The following APPBP2 variants were observed in gnomAD, a reference collection of about 807,000 sequenced individuals.
APPBP2 encodes the protein amyloid beta precursor protein binding protein 2, also known as amyloid protein-binding protein 2.
In APPBP2, 15 loss-of-function variants were observed where a neutral mutation model predicts 76.0. That is an observed-to-expected ratio of 0.20 (90% CI 0.13 to 0.30). The LOEUF is 0.30. APPBP2 is among the 10% of genes least tolerant of loss of function. The probability of loss-of-function intolerance (pLI) is 1.00; values close to 1 mark genes in which losing one functional copy is unlikely to be tolerated. For missense variants in APPBP2, 401 were observed against 687.2 expected, an observed-to-expected ratio of 0.58 and a Z score of 4.66; for synonymous variants, 222 against 242.2, an observed-to-expected ratio of 0.92 and a Z score of 0.77.
chr17:60,487,151 G>A (rs566705518), intron 3 of APPBP2, among the ~76,000 whole-genome samples: 4 of 152,050 alleles, frequency 2.6e-5, no homozygotes, highest in African/African-American at 7.2e-5. Flanking sequence ...TTTATCTTGG[G>A]GAATCTGACA....
In APPBP2 at chr17:60,491,097, C is replaced by T. The variant is rs563147519; in HGVS notation, c.379+3369G>A. ...ACAGTTTGGAGGGCTCAGAAGAAGA[C>T]AGAAAAATGTAGGAAAAGTTTGGAA... On this transcript the variant is annotated intron_variant, in intron 3 of 12. Coordinates refer to ENST00000083182, the MANE Select transcript of APPBP2 (RefSeq NM_006380.5). 3.6e-4 allele frequency among the ~76,000 whole-genome samples: 55 copies of T among 152,168 alleles called. 1 individual carries two copies. In the South Asian group the frequency reaches 6.9e-3, roughly 19 times the overall value.
chr17:60,470,351 C>T (rs1272629381), intron 4 of APPBP2, among the ~76,000 whole-genome samples: 2 of 152,066 alleles, frequency 1.3e-5, no homozygotes, highest in African/African-American at 4.8e-5. Flanking sequence ...CCATGATCTC[C>T]TGGGCTTAAG....
At chr17:60,481,497 A>T (rs941941510) in intron 3 of APPBP2, among the ~76,000 whole-genome samples, 2 of 152,314 alleles carry the variant, frequency 1.3e-5, no homozygotes, top group East Asian at 3.9e-4. Flanking sequence ...CAGATATAAC[A>T]TCTACTTCAT....
chr17:60,474,897 A>T (rs2143364631), intron 4 of APPBP2, among the ~76,000 whole-genome samples: 1 of 152,196 alleles, frequency 6.6e-6, no homozygotes, highest in Admixed American at 6.5e-5. Context: ...GTTATTATTA[A>T]TTTAAGAACT....
chr17:60,477,919 T>C (rs1404674351), intron 4 of APPBP2, among the ~76,000 whole-genome samples: 1 of 151,896 alleles, frequency 6.6e-6, no homozygotes, highest in Non-Finnish European at 1.5e-5. Context: ...GGCAGAGGAT[T>C]GCTTGAGCCC....
At position 60,483,999 on chromosome 17, in the gene APPBP2, T is replaced by C. The variant is rs186413628; in HGVS notation, c.380-4728A>G. On this transcript the variant is annotated intron_variant, in intron 3 of 12. Transcript: ENST00000083182. ...TATTAAATAGGGAATCCTTTCCTCA[T>C]TTCTTGTTTTTGTCAGGTTTGTCAA... Among the ~76,000 whole-genome samples the C allele has an allele frequency of 3.4e-3, 516 of 152,270 alleles. 16 individuals carry two copies. Among genetic ancestry groups the C allele is most frequent in the Admixed American group, 0.027 (418 of 15,296 alleles).
In APPBP2 at chr17:60,447,296, T is replaced by C; in HGVS notation, c.*285A>G. The C allele has an allele frequency of 3.5e-6, 1 of 283,756 alleles. No homozygotes were observed. Among genetic ancestry groups the C allele is most frequent in the Non-Finnish European group, 6.5e-6 (1 of 153,512 alleles). 17.6% of individuals were successfully genotyped at this position (283,756 alleles called of 1,614,324 possible). The stretch of plus-strand genomic sequence containing the variant: ...TTTTTCTTTCAGGCTTTCTGCAAAA[T>C]GAATTTTTTAAAAACAACAAAAAAA... On this transcript the variant is annotated 3_prime_UTR_variant, in exon 13 of 13. Coordinates refer to ENST00000083182, the MANE Select transcript of APPBP2 (RefSeq NM_006380.5).
At position 60,526,151 on chromosome 17, in the gene APPBP2, G is replaced by C. The variant is rs895691680; in HGVS notation, c.-220C>G. The C allele has an allele frequency of 9.0e-6, 5 of 552,672 alleles. No individual in the cohort carries two copies. The highest frequency in any genetic ancestry group is 1.6e-5 in the Non-Finnish European group (5 of 307,650). The allele number at this position is 552,672 out of a possible 1,614,324, so 34.2% of individuals were successfully genotyped here. ...GTAAAAAGTGGGACAGAAAACAGCG[G>C]CCAGCCAGGCCAAAAGCGTCACAAT... On this transcript the variant is annotated 5_prime_UTR_variant, in exon 1 of 13. Coordinates refer to ENST00000083182, the MANE Select transcript of APPBP2 (RefSeq NM_006380.5).
At chr17:60,504,721 A>T (rs9914683) in intron 1 of APPBP2, among the ~76,000 whole-genome samples, 30,672 of 152,144 alleles carry the variant, frequency 0.2, 10,309 homozygotes, top group African/African-American at 0.7. Flanking sequence ...TAAGAATTGC[A>T]CAAAGTCAGG....
chr17:60,500,961 G>C (rs1220685595), intron 1 of APPBP2, among the ~76,000 whole-genome samples: 1 of 152,094 alleles, frequency 6.6e-6, no homozygotes, highest in Non-Finnish European at 1.5e-5. Flanking sequence ...CAGGATGGCA[G>C]GATTTCTAAT....
At chr17:60,475,123 G>A (rs1371544698) in intron 4 of APPBP2, among the ~76,000 whole-genome samples, 1 of 151,948 alleles carries the variant, frequency 6.6e-6, no homozygotes, top group South Asian at 2.1e-4. Flanking sequence ...CCAGCTACTC[G>A]GGAGGCTGAG....
rs571207238 is a variant in APPBP2 at position 60,506,175 on chromosome 17, T to C, written c.139-5688A>G. Among the ~76,000 whole-genome samples the C allele has an allele frequency of 7.0e-4, 107 of 151,824 alleles. 1 individual carries two copies. Among genetic ancestry groups the C allele is most frequent in the South Asian group, 1.2e-3 (6 of 4,808 alleles). ...CTGGCTAATTTTTCCATTTTTTCTG[T>C]AGAGATGGGGTCACACTATGTTGCC... On this transcript the variant is annotated intron_variant, in intron 1 of 12. Coordinates refer to ENST00000083182, the MANE Select transcript of APPBP2 (RefSeq NM_006380.5).
intron 3 of APPBP2, among the ~76,000 whole-genome samples, chr17:60,485,948 C>T (rs1200763166): frequency 6.6e-5 from 10 of 152,214 alleles, no homozygotes; most frequent in Admixed American, 5.9e-4. Context: ...GCCTTCATTT[C>T]GTTATTTACC....
intron 12 of APPBP2, among the ~76,000 whole-genome samples, chr17:60,448,936 A>C (rs1164704934): frequency 6.6e-6 from 1 of 152,194 alleles, no homozygotes; most frequent in Non-Finnish European, 1.5e-5. Context: ...CGCATACTCA[A>C]AAAAATTAAC....
In APPBP2 at chr17:60,512,832, T is replaced by TAAAA. The variant is rs770075935; in HGVS notation, c.139-12349_139-12346dup. Among the ~76,000 whole-genome samples the TAAAA allele has an allele frequency of 6.0e-4, 18 of 29,890 alleles. 1 individual carries two copies. Among genetic ancestry groups the TAAAA allele is most frequent in the African/African-American group, 2.3e-3 (17 of 7,494 alleles). The allele number at this position is 29,890 out of a possible 152,430, so 19.6% of individuals were successfully genotyped here. A position where few individuals can be genotyped will look rare whatever the true frequency, so the allele number is the denominator to read the frequency against. Reference sequence around the variant, plus strand: ...CTAGGCAACAGAGTGAGACTCCATCTAAAAAAAAAAAAAAAAAAAAAAGGA... The same window carrying TAAAA: ...CTAGGCAACAGAGTGAGACTCCATCTAAAAAAAAAAAAAAAAAAAAAAAAAAGGA... On this transcript the variant is annotated intron_variant, in intron 1 of 12. Coordinates refer to ENST00000083182, the MANE Select transcript of APPBP2 (RefSeq NM_006380.5).
At position 60,525,965 on chromosome 17, in the gene APPBP2, C is replaced by A; in HGVS notation, c.-34G>T. 2 of 1,554,482 alleles carry A rather than the reference C, an allele frequency of 1.3e-6. No homozygotes were observed. The highest frequency in any genetic ancestry group is 1.7e-6 in the Non-Finnish European group (2 of 1,147,212). On this transcript the variant is annotated 5_prime_UTR_variant, in exon 1 of 13. In the 5' UTR this introduces an upstream ATG that the reference lacks. Coordinates refer to ENST00000083182, the MANE Select transcript of APPBP2 (RefSeq NM_006380.5). Reference sequence around the variant, plus strand: ...CCTCCTCCTCCGCCTCCTCCGCCTCCTCCTCCCGAAGGCCCCCACCTCCCT... The same window carrying A: ...CCTCCTCCTCCGCCTCCTCCGCCTCATCCTCCCGAAGGCCCCCACCTCCCT...
intron 1 of APPBP2, among the ~76,000 whole-genome samples, chr17:60,509,373 C>T (rs1016487049): frequency 2.7e-5 from 4 of 148,756 alleles, no homozygotes; most frequent in South Asian, 4.2e-4. Context: ...AGCGAGACTC[C>T]GTCTCAAAAA....
Position 60,460,443 on chromosome 17 carries a change from C to G in APPBP2, c.1061+220G>C, listed in dbSNP as rs561026640. 190 of 286,362 alleles carry G rather than the reference C, an allele frequency of 6.6e-4. 2 individuals carry two copies. Among genetic ancestry groups the G allele is most frequent in the South Asian group, 5.0e-3 (61 of 12,194 alleles). The allele number at this position is 286,362 out of a possible 1,614,324, so 17.7% of individuals were successfully genotyped here. ...CTTTCCACCTCAGCCTCCCAAAGTG[C>G]TGGGATTACAGGCGGGAGCCTCTGC... is the stretch of plus-strand genomic sequence containing the variant. On this transcript the variant is annotated intron_variant, in intron 9 of 12. Transcript: ENST00000083182.
At chr17:60,514,194 C>T (rs958357311) in intron 1 of APPBP2, among the ~76,000 whole-genome samples, 1 of 151,998 alleles carries the variant, frequency 6.6e-6, no homozygotes, top group Admixed American at 6.6e-5. Flanking sequence ...TAAGTCCCAG[C>T]TACTAGGCAG....
Sources: gnomAD v4.1 joint callset for allele counts (sites outside exome capture counted in the v4.1 genomes callset) on GRCh38, gnomAD v4.1.1 for gene constraint, MANE v1.5 for transcripts, NCBI Gene and HGNC (gene_info 2026-07-23, HGNC 2026-07-21) for gene names.